WLS: variants seen among roughly 807,000 people sequenced by gnomAD.
The protein encoded by WLS is Wnt ligand secretion mediator, also known as protein wntless homolog.
In WLS, 23 loss-of-function variants were observed where a neutral mutation model predicts 62.8. The ratio of observed to expected loss-of-function variants is 0.37; its 90% CI spans 0.26 to 0.52. The LOEUF is 0.52. Among genes scored for constraint, WLS ranks in the 20% least tolerant of loss-of-function variants. The pLI, the probability that WLS is intolerant of heterozygous loss-of-function variation, is 0.92. For missense variants in WLS, 615 were observed against 697.3 expected (o/e 0.88, Z 1.33); for synonymous variants, 246 against 244.1 (o/e 1.01, Z -0.07).
chr1:68,174,730 C>T (rs933058412), intron 2 of WLS, among the ~76,000 whole-genome samples: 1 of 152,156 alleles, frequency 6.6e-6, no homozygotes, highest in Admixed American at 6.5e-5. Flanking sequence ...AGCACTGTTG[C>T]GTTGGTCTCT....
At chr1:68,183,051 C>A (rs1178513520) in intron 2 of WLS, among the ~76,000 whole-genome samples, 1 of 152,140 alleles carries the variant, frequency 6.6e-6, no homozygotes, top group Non-Finnish European at 1.5e-5. Context: ...CAGGCACACG[C>A]CACCATGCTG....
chr1:68,107,114 T>C (rs13375520), intron 11 of WLS, among the ~76,000 whole-genome samples: 47,851 of 152,088 alleles, frequency 0.31, 7,621 homozygotes, highest in Admixed American at 0.34. Flanking sequence ...TGTCTTTCCA[T>C]TTATTTATGA....
chr1:68,107,133 CAA>C (rs1646158602), intron 11 of WLS, among the ~76,000 whole-genome samples: 1 of 152,040 alleles, frequency 6.6e-6, no homozygotes, highest in African/African-American at 2.4e-5. Context: ...GAAAATAAGA[CAA>C]AATTATGCAT....
At chr1:68,154,614 C>T (rs1646871866) in intron 4 of WLS, among the ~76,000 whole-genome samples, 1 of 152,086 alleles carries the variant, frequency 6.6e-6, no homozygotes, top group African/African-American at 2.4e-5. Flanking sequence ...TAGGACATTA[C>T]AGGTAATTAT....
intron 2 of WLS, among the ~76,000 whole-genome samples, chr1:68,172,194 G>A (rs1035166860): frequency 2.6e-5 from 4 of 151,910 alleles, no homozygotes; most frequent in African/African-American, 9.7e-5. Context: ...ATAGTATTAG[G>A]AGAAATACCT....
intron 2 of WLS, among the ~76,000 whole-genome samples, chr1:68,192,491 C>T (rs1648364877): frequency 6.6e-6 from 1 of 151,346 alleles, no homozygotes; most frequent in South Asian, 2.1e-4. Context: ...GTGGGAAGAT[C>T]GCTTGAGCCT....
rs536991242 is a variant in WLS, at chr1:68,191,520, T to C, written c.379+2435A>G. Among the ~76,000 whole-genome samples, 43 of 152,338 alleles carry C rather than the reference T, an allele frequency of 2.8e-4. No homozygotes were observed. The South Asian group carries it at 8.1e-3, about 29-fold the overall frequency. ...CTTATTATAGCACATAACATGTTTT[T>C]TCTTATTTGTAGGTTTAAGTGTCTG... On this transcript the variant is annotated intron_variant, in intron 2 of 11. Transcript: ENST00000262348.
downstream of WLS, among the ~76,000 whole-genome samples, chr1:68,124,420 C>G (rs546257543): frequency 6.6e-5 from 10 of 152,328 alleles, no homozygotes; most frequent in Admixed American, 3.9e-4. Context: ...AAACATTGTC[C>G]ATGCTTTGCA....
At chr1:68,156,853 T>G (rs976378757) in intron 3 of WLS, among the ~76,000 whole-genome samples, 1 of 152,190 alleles carries the variant, frequency 6.6e-6, no homozygotes, top group Non-Finnish European at 1.5e-5. Flanking sequence ...CACTGCAGGC[T>G]CTAATTCTCC....
chr1:68,155,807 A>G (rs1360012127), intron 3 of WLS, among the ~76,000 whole-genome samples: 1 of 152,214 alleles, frequency 6.6e-6, no homozygotes, highest in Non-Finnish European at 1.5e-5. Flanking sequence ...GGAAAAAAAA[A>G]GACACAAGGA....
chr1:68,194,340 A>G (rs184791198), intron 1 of WLS, 113 bp from the exon 2 acceptor site: 4 of 1,354,100 alleles, frequency 3.0e-6, no homozygotes, highest in African/African-American at 1.5e-5. Context: ...GCCTTCTACA[A>G]GTGGGGCTCA....
At chr1:68,213,132 C>A (rs2100648876) in intron 1 of WLS, among the ~76,000 whole-genome samples, 1 of 152,232 alleles carries the variant, frequency 6.6e-6, no homozygotes, top group East Asian at 1.9e-4. Flanking sequence ...CAAGGGAAAG[C>A]ATTACCAGGT....
chr1:68,148,676 T>C lies in WLS; in HGVS notation c.973-16A>G, dbSNP rs750200506. 9 of 1,611,842 alleles carry C rather than the reference T, an allele frequency of 5.6e-6. No individual in the cohort carries two copies. The highest frequency in any genetic ancestry group is 2.2e-5 in the South Asian group (2 of 90,488). On this transcript the variant is annotated splice_polypyrimidine_tract_variant and intron_variant, in intron 6 of 11. Transcript: ENST00000262348. ...CGTGCTGATCCTGAGGAAAACCAAA[T>C]TGAGAAGGGAGATAGAGGGGAGAGG...
At chr1:68,162,220 C>A in intron 2 of WLS, 1 of 1,475,912 alleles carries the variant, frequency 6.8e-7, no homozygotes, top group Non-Finnish European at 9.5e-7. Flanking sequence ...GGCTGCCCCT[C>A]GTATCCTGCC....
chr1:68,229,192 G>A (rs1366010227), intron 1 of WLS, among the ~76,000 whole-genome samples: 1 of 152,106 alleles, frequency 6.6e-6, no homozygotes, highest in Non-Finnish European at 1.5e-5. Flanking sequence ...TTCACGGATT[G>A]TTATTGTTTG....
chr1:68,182,135 A>G (rs1647615576), intron 2 of WLS, among the ~76,000 whole-genome samples: 1 of 152,264 alleles, frequency 6.6e-6, no homozygotes, highest in Non-Finnish European at 1.5e-5. Context: ...AGTGTATGTA[A>G]CTAGATATAC....
At chr1:68,119,691 G>T (rs936202401) in intron 11 of WLS, among the ~76,000 whole-genome samples, 1 of 152,334 alleles carries the variant, frequency 6.6e-6, no homozygotes, top group Non-Finnish European at 1.5e-5. Context: ...CCACCTCAGT[G>T]CTTCCTGGAA....
intron 2 of WLS, chr1:68,162,585 G>A (rs1646994541): frequency 9.4e-6 from 14 of 1,483,220 alleles, no homozygotes; most frequent in Middle Eastern, 1.8e-4. Context: ...AGGCCAACTC[G>A]CGGTTCTGCT....
At chr1:68,152,739 CA>C (rs1030253364) in intron 5 of WLS, among the ~76,000 whole-genome samples, 1 of 152,052 alleles carries the variant, frequency 6.6e-6, no homozygotes, top group African/African-American at 2.4e-5. Flanking sequence ...TATGTGGCTT[CA>C]GGGGGAAGTG....
Sources: gnomAD v4.1 joint callset for allele counts (sites outside exome capture counted in the v4.1 genomes callset) on GRCh38, gnomAD v4.1.1 for gene constraint, MANE v1.5 for transcripts, NCBI Gene and HGNC (gene_info 2026-07-23, HGNC 2026-07-21) for gene names.